The following USP9X variants were observed in gnomAD, a reference collection of about 807,000 sequenced individuals.
The protein encoded by USP9X is ubiquitin carboxyl-terminal hydrolase 9X.
In USP9X, 7 loss-of-function variants were observed where a neutral mutation model predicts 190.3. The ratio of observed to expected loss-of-function variants is 0.04; its 90% CI spans 0.02 to 0.07. The LOEUF (loss-of-function observed/expected upper bound fraction) is 0.07. Among genes scored for constraint, USP9X ranks in the 10% least tolerant of loss-of-function variants. The probability of loss-of-function intolerance (pLI) is 1.00; values close to 1 mark genes in which losing one functional copy is unlikely to be tolerated. For synonymous variants in USP9X, 645 were observed against 659.5 expected, an observed-to-expected ratio of 0.98 and a Z score of 0.34; for missense variants, 1,010 against 1,916.9, an observed-to-expected ratio of 0.53 and a Z score of 8.83.
Position 41,186,750 on chromosome X carries a change from CTATTAA to C in USP9X, c.3684+114_3684+119del, listed in dbSNP as rs199504053. The C allele has an allele frequency of 7.8e-3, 6,760 of 865,238 alleles. 273 individuals carry two copies. The African/African-American group carries it at 0.12, about 15-fold the overall frequency. The allele number at this position is 865,238 out of a possible 1,213,427, so 71.3% of individuals were successfully genotyped here. On this transcript the variant is annotated intron_variant, in intron 24 of 44. Coordinates refer to ENST00000378308, the MANE Select transcript of USP9X (RefSeq NM_001039591.3). ...GTCCCCTTAATATCAGTTTTGTCTA[CTATTAA>C]TATTAGTACTTTCTGTTTTTAATCA... is the stretch of plus-strand genomic sequence containing the variant.
chrX:41,206,975 G>A (rs1290212632), intron 32 of USP9X, among the ~76,000 whole-genome samples: 1 of 108,240 alleles, frequency 9.2e-6, no homozygotes, highest in African/African-American at 3.4e-5. Flanking sequence ...TAGTAGAGAC[G>A]GGGTTTCACC....
At chrX:41,092,666 C>G (rs2061962929) in intron 1 of USP9X, among the ~76,000 whole-genome samples, 1 of 104,436 alleles carries the variant, frequency 9.6e-6, no homozygotes, top group South Asian at 4.2e-4. Flanking sequence ...TTATGTATAA[C>G]TTAGGTCTAA....
At chrX:41,139,640 C>T (rs183777220) in intron 6 of USP9X, among the ~76,000 whole-genome samples, 2 of 112,263 alleles carry the variant, frequency 1.8e-5, no homozygotes, top group East Asian at 5.6e-4. Flanking sequence ...CTCTGGGCGA[C>T]GAGAGTAAAA....
At position 41,184,528 on chromosome X, in the gene USP9X, G is replaced by C; in HGVS notation, c.3411G>C (p.Pro1137=). The stretch of plus-strand genomic sequence containing the variant: ...TGCTAACCAGAAATAACTTCCTACC[G>C]AATGCAGATATGGAAACTCGAAGGG... The part of the protein sequence containing the change: ...LSMLTRNNFL[P]NADMETRRGA... Residue 1137 remains proline, a synonymous_variant, in exon 23 of 45, where the codon CCG becomes CCC. Coordinates refer to ENST00000378308, the MANE Select transcript of USP9X (RefSeq NM_001039591.3). 8.3e-7 allele frequency: 1 copy of C among 1,210,672 alleles called. No individual in the cohort carries two copies. Among genetic ancestry groups the C allele is most frequent in the Non-Finnish European group, 1.1e-6 (1 of 895,321 alleles).
At chrX:41,129,225 C>T (rs1033732305) in intron 3 of USP9X, 80 bp downstream of exon 3, 36 of 973,906 alleles carry the variant, frequency 3.7e-5, no homozygotes, top group African/African-American at 3.5e-4. Context: ...TTTATAGCTT[C>T]GTCACTGCCA....
intron 21 of USP9X, among the ~76,000 whole-genome samples, chrX:41,183,272 TAAAAA>T (rs10719162): frequency 0.011 from 1,037 of 96,681 alleles, 15 homozygotes; most frequent in African/African-American, 0.037. Flanking sequence ...AGCTTTTACT[TAAAAA>T]AAAAAAAAAA....
At position 41,143,362 on chromosome X, in the gene USP9X, A is replaced by G; in HGVS notation, c.1233A>G (p.Glu411=). 8.3e-7 allele frequency: 1 copy of G among 1,204,463 alleles called. No homozygotes were observed. Among genetic ancestry groups the G allele is most frequent in the Non-Finnish European group, 1.1e-6 (1 of 891,040 alleles). ...RDSLHQPQYV[E]KLEKILRFVI... is the part of the protein sequence containing the mutation. ...GTCTTCATCAGCCACAGTATGTAGA[A>G]AAGTTAGAGAAGATTCTTCGTTTTG... Residue 411 remains glutamate, a synonymous_variant, in exon 10 of 45, where the codon GAA becomes GAG. Coordinates refer to ENST00000378308, the MANE Select transcript of USP9X (RefSeq NM_001039591.3).
chrX:41,231,975 A>G (rs769352047), intron 44 of USP9X, among the ~76,000 whole-genome samples: 4 of 111,696 alleles, frequency 3.6e-5, no homozygotes, highest in African/African-American at 9.8e-5. Flanking sequence ...CTGCTCCTAT[A>G]TATCTTACAT....
chrX:41,105,125 TAGAG>T (rs1439368911), intron 1 of USP9X, among the ~76,000 whole-genome samples: 2 of 111,060 alleles, frequency 1.8e-5, no homozygotes, highest in African/African-American at 6.6e-5. Context: ...GTGACTGACT[TAGAG>T]AGACAAAGCT....
intron 44 of USP9X, among the ~76,000 whole-genome samples, chrX:41,231,454 G>A (rs1017579162): frequency 9.0e-6 from 1 of 111,491 alleles, no homozygotes; most frequent in African/African-American, 3.3e-5. Context: ...CTGGCCAGGC[G>A]CGGTAGCTCA....
chrX:41,211,655 A>G (rs1361553529), intron 33 of USP9X, among the ~76,000 whole-genome samples: 28 of 64,501 alleles, frequency 4.3e-4, no homozygotes, highest in South Asian at 8.8e-4. Context: ...CCGTCCGGGA[A>G]GGAGGTGATG....
In USP9X at chrX:41,201,911, C is replaced by T. The variant is rs138512435; in HGVS notation, c.4824+631C>T. On this transcript the variant is annotated intron_variant, in intron 31 of 44. Transcript: ENST00000378308. ...ACTTGAACCCGGAAGGTGGAGGTTGCGATGAGCTGAGATGGCACCAGTGCA... is the reference window on the plus strand; with the variant it reads ...ACTTGAACCCGGAAGGTGGAGGTTGTGATGAGCTGAGATGGCACCAGTGCA... Among the ~76,000 whole-genome samples, 858 of 110,678 alleles carry T rather than the reference C, an allele frequency of 7.8e-3. 5 individuals are homozygous for T. Among genetic ancestry groups the T allele is most frequent in the South Asian group, 0.021 (55 of 2,627 alleles).
At chrX:41,121,893 C>A (rs1454553958) in intron 1 of USP9X, among the ~76,000 whole-genome samples, 1 of 111,652 alleles carries the variant, frequency 9.0e-6, no homozygotes, top group African/African-American at 3.3e-5. Flanking sequence ...GTAGCATTCT[C>A]CTGTACTTGT....
intron 1 of USP9X, 126 bp from the exon 2 acceptor site, chrX:41,123,345 T>C (rs1407620457): frequency 3.7e-6 from 1 of 270,765 alleles, no homozygotes; most frequent in Non-Finnish European, 6.5e-6. Flanking sequence ...GCTTTTTACT[T>C]TCTCTTCTTG....
At chrX:41,094,184 CTTT>C (rs56901756) in intron 1 of USP9X, among the ~76,000 whole-genome samples, 2 of 100,091 alleles carry the variant, frequency 2.0e-5, no homozygotes, top group Admixed American at 2.2e-4. Context: ...TTTCTTTTTT[CTTT>C]TTTTTTGAAA....
At chrX:41,177,164 T>TA (rs969272790) in intron 21 of USP9X, among the ~76,000 whole-genome samples, 1 of 111,999 alleles carries the variant, frequency 8.9e-6, no homozygotes, top group Admixed American at 9.5e-5. Flanking sequence ...TTATTCAAAA[T>TA]AAAAAAAATT....
chrX:41,147,450 GTTTTT>G (rs760854080), intron 11 of USP9X, among the ~76,000 whole-genome samples: 2 of 69,795 alleles, frequency 2.9e-5, no homozygotes, highest in East Asian at 4.8e-4. Flanking sequence ...CTTAATCGTT[GTTTTT>G]TTTTTTTTTT....
At chrX:41,225,723 A>C (rs188717788) in intron 41 of USP9X, among the ~76,000 whole-genome samples, 3 of 112,548 alleles carry the variant, frequency 2.7e-5, no homozygotes, top group Non-Finnish European at 3.8e-5. Context: ...GTGTGTTTCT[A>C]CTTAAAGTCA....
intron 4 of USP9X, among the ~76,000 whole-genome samples, chrX:41,132,551 G>A (rs1178583338): frequency 4.5e-5 from 5 of 110,468 alleles, no homozygotes; most frequent in African/African-American, 1.6e-4. Flanking sequence ...TGATCCACCC[G>A]CCTTGGCCTC....
Sources: gnomAD v4.1 joint callset for allele counts (sites outside exome capture counted in the v4.1 genomes callset) on GRCh38, gnomAD v4.1.1 for gene constraint, MANE v1.5 for transcripts, NCBI Gene and HGNC (gene_info 2026-07-23, HGNC 2026-07-21) for gene names.